The following LINGO2 variants were observed in gnomAD, a reference collection of about 807,000 sequenced individuals.
LINGO2 encodes the protein leucine-rich repeat and immunoglobulin-like domain-containing nogo receptor-interacting protein 2.
Under a neutral mutation model 30.6 loss-of-function variants are expected in LINGO2, and 14 were observed. The ratio of observed to expected loss-of-function variants is 0.46; its 90% CI spans 0.30 to 0.72. The LOEUF is 0.72. Ranked by LOEUF, LINGO2 falls within the 30% of genes least tolerant of loss-of-function variation. The pLI, the probability that LINGO2 is intolerant of heterozygous loss-of-function variation, is 0.07. For synonymous variants in LINGO2, 317 were observed against 288.5 expected (o/e 1.10, Z -1.00); for missense variants, 729 against 751.7 (o/e 0.97, Z 0.35).
intron 1 of LINGO2, among the ~76,000 whole-genome samples, chr9:28,502,278 T>C (rs1819924393): frequency 6.6e-6 from 1 of 152,030 alleles, no homozygotes; most frequent in African/African-American, 2.4e-5. Flanking sequence ...GCATATGTGG[T>C]CTCATGGGCA....
chr9:28,661,145 A>AATATATATATAT (rs372827051), intron 1 of LINGO2, among the ~76,000 whole-genome samples: 135 of 150,162 alleles, frequency 9.0e-4, no homozygotes, highest in African/African-American at 3.1e-3. Context: ...GATGCAGAAA[A>AATATATATATAT]ATATATATAT....
the LINGO2 span, among the ~76,000 whole-genome samples, chr9:28,981,000 C>G: frequency 1.3e-5 from 2 of 152,060 alleles, no homozygotes; most frequent in South Asian, 4.2e-4. Context: ...GGGGTGAAAC[C>G]GTACCTTACT....
At position 28,184,322 on chromosome 9, in the gene LINGO2, A is replaced by T. The variant is rs552053566; in HGVS notation, c.-87+110886T>A. Among the ~76,000 whole-genome samples the T allele has an allele frequency of 5.3e-5, 8 of 152,310 alleles. No homozygotes were observed. In the East Asian group the frequency reaches 1.5e-3, roughly 29 times the overall value. Reference sequence around the variant, plus strand: ...TAAAGAAGTGGTACCCATTCTCTTAAGTACCTTGCTAGAGGTAATGCAGAC... The same window carrying T: ...TAAAGAAGTGGTACCCATTCTCTTATGTACCTTGCTAGAGGTAATGCAGAC... On this transcript the variant is annotated intron_variant, in intron 4 of 5. Transcript: ENST00000379992.
chr9:29,081,714 G>A, the LINGO2 span, among the ~76,000 whole-genome samples: 4 of 152,130 alleles, frequency 2.6e-5, no homozygotes, highest in South Asian at 6.2e-4. Flanking sequence ...TCCTTAAGCC[G>A]ATAGGCAACT....
intron 2 of LINGO2, among the ~76,000 whole-genome samples, chr9:28,415,467 T>C (rs1347330936): frequency 2.0e-5 from 3 of 152,182 alleles, no homozygotes; most frequent in African/African-American, 7.2e-5. Context: ...GCGTGCAAGG[T>C]CCTGCATGAA....
At chr9:29,000,370 T>C in the LINGO2 span, among the ~76,000 whole-genome samples, 2 of 151,934 alleles carry the variant, frequency 1.3e-5, no homozygotes, top group Admixed American at 1.3e-4. Flanking sequence ...AGAGTCTGCA[T>C]ACACACTTTA....
At chr9:27,942,776 C>T in the LINGO2 span, 8 of 152,006 alleles carry the variant, frequency 5.3e-5, no homozygotes, top group East Asian at 9.7e-4. Context: ...AATTTAAACA[C>T]AAAAAAATCT....
At chr9:28,902,067 A>G in the LINGO2 span, among the ~76,000 whole-genome samples, 1 of 152,172 alleles carries the variant, frequency 6.6e-6, no homozygotes, top group Admixed American at 6.5e-5. Flanking sequence ...ATAAAAAGAC[A>G]TAGATTGGTA....
chr9:28,517,248 T>C (rs1191358244), intron 1 of LINGO2, among the ~76,000 whole-genome samples: 1 of 152,142 alleles, frequency 6.6e-6, no homozygotes, highest in Admixed American at 6.6e-5. Flanking sequence ...CCACCACAGC[T>C]GCCACTCCTT....
At chr9:28,171,558 G>A (rs1446859991) in intron 4 of LINGO2, among the ~76,000 whole-genome samples, 1 of 152,180 alleles carries the variant, frequency 6.6e-6, no homozygotes, top group Non-Finnish European at 1.5e-5. Context: ...GGCATGGACA[G>A]AAGTCCCCAA....
the LINGO2 span, among the ~76,000 whole-genome samples, chr9:29,130,944 G>A: frequency 1.5e-4 from 23 of 152,082 alleles, no homozygotes; most frequent in African/African-American, 4.1e-4. Context: ...GCACCCATCC[G>A]TCACAACACA....
chr9:28,361,665 A>G (rs1820450420), intron 3 of LINGO2, among the ~76,000 whole-genome samples: 1 of 152,130 alleles, frequency 6.6e-6, no homozygotes, highest in African/African-American at 2.4e-5. Context: ...AAAAAAAGCT[A>G]TTTGCCTCTA....
chr9:28,237,409 A>T lies in LINGO2; in HGVS notation c.-87+57799T>A, dbSNP rs1397475327. Among the ~76,000 whole-genome samples, 3 of 152,170 alleles carry T rather than the reference A, an allele frequency of 2.0e-5. 1 individual carries two copies. Among genetic ancestry groups the T allele is most frequent in the African/African-American group, 7.2e-5 (3 of 41,430 alleles). Reference sequence around the variant, plus strand: ...GAAGACCACAAAACAACCAGAAAAGAAATAATAAAATGGCAGGAGTAAGTC... The same window carrying T: ...GAAGACCACAAAACAACCAGAAAAGTAATAATAAAATGGCAGGAGTAAGTC... On this transcript the variant is annotated intron_variant, in intron 4 of 5. Coordinates refer to ENST00000379992, the Ensembl canonical transcript of LINGO2.
intron 1 of LINGO2, among the ~76,000 whole-genome samples, chr9:28,562,592 G>A (rs1479019644): frequency 4.0e-5 from 6 of 151,850 alleles, no homozygotes; most frequent in African/African-American, 1.5e-4. Context: ...CATGCTAAAA[G>A]GGTTAGTGAT....
At chr9:28,305,525 T>G (rs376835508) in intron 3 of LINGO2, among the ~76,000 whole-genome samples, 82 of 152,144 alleles carry the variant, frequency 5.4e-4, no homozygotes, top group African/African-American at 1.7e-3. Flanking sequence ...GGCTACAGAA[T>G]AGAAAAATTA....
chr9:28,663,086 A>T (rs1476417464), intron 1 of LINGO2, among the ~76,000 whole-genome samples: 1 of 152,154 alleles, frequency 6.6e-6, no homozygotes, highest in Non-Finnish European at 1.5e-5. Context: ...TCAGACCAAA[A>T]AAAGTCATCT....
chr9:28,151,717 G>A (rs764871309), intron 4 of LINGO2, among the ~76,000 whole-genome samples: 3 of 151,760 alleles, frequency 2.0e-5, no homozygotes, highest in Non-Finnish European at 2.9e-5. Flanking sequence ...ACTTTTAAGA[G>A]TTTTTTTATA....
the LINGO2 span, among the ~76,000 whole-genome samples, chr9:29,093,640 T>C: frequency 0.011 from 1,539 of 136,548 alleles, 277 homozygotes; most frequent in African/African-American, 0.04. Flanking sequence ...ATAATATCCC[T>C]ATCCTACCTC....
At chr9:28,431,601 TGTATAAGTCTGGA>T (rs1564194874) in intron 2 of LINGO2, among the ~76,000 whole-genome samples, 2 of 152,156 alleles carry the variant, frequency 1.3e-5, no homozygotes, top group African/African-American at 4.8e-5. Context: ...CAATAACTCA[TGTATAAGTCTGGA>T]AAGAATCACT....
Sources: gnomAD v4.1 joint callset for allele counts (sites outside exome capture counted in the v4.1 genomes callset) on GRCh38, gnomAD v4.1.1 for gene constraint, MANE v1.5 for transcripts, NCBI Gene and HGNC (gene_info 2026-07-23, HGNC 2026-07-21) for gene names.